RTN4: variants seen among roughly 807,000 people sequenced by gnomAD.
RTN4 encodes the protein reticulon 4.
RTN4 carries 32 observed loss-of-function variants against 90.4 expected under a neutral mutation model. That is an observed-to-expected ratio of 0.35 (90% CI 0.27 to 0.48). The LOEUF (loss-of-function observed/expected upper bound fraction) is 0.48. Among genes scored for constraint, RTN4 ranks in the 20% least tolerant of loss-of-function variants. The pLI, the probability that RTN4 is intolerant of heterozygous loss-of-function variation, is 0.99. For synonymous variants in RTN4, 629 were observed against 552.5 expected, an observed-to-expected ratio of 1.14 and a Z score of -1.94; for missense variants, 1,706 against 1,430.2, an observed-to-expected ratio of 1.19 and a Z score of -3.11.
At position 55,025,623 on chromosome 2, in the gene RTN4, CCTT is replaced by C; in HGVS notation, c.2473_2475del (p.Lys825del). The stretch of plus-strand genomic sequence containing the variant: ...TCCTCCATCTGCAAAGGAATTTTCT[CCTT>C]TTTGCTCAATGTTGAAACTTCATCA... On this transcript the variant is annotated inframe_deletion, in exon 3 of 9. Coordinates refer to ENST00000337526, the MANE Select transcript of RTN4 (RefSeq NM_020532.5). 6.2e-7 allele frequency: 1 copy of C among 1,613,592 alleles called. No homozygotes were observed. The highest frequency in any genetic ancestry group is 8.5e-7 in the Non-Finnish European group (1 of 1,179,788).
chr2:55,036,627 A>T (rs4671235), intron 1 of RTN4, among the ~76,000 whole-genome samples: 46,781 of 98,334 alleles, frequency 0.48, 8,736 homozygotes, highest in African/African-American at 0.55. Flanking sequence ...AAAAAAAATT[A>T]AAAAAATTTA....
intron 4 of RTN4, among the ~76,000 whole-genome samples, chr2:54,984,980 A>G (rs1001176593): frequency 6.6e-6 from 1 of 152,154 alleles, no homozygotes; most frequent in Admixed American, 6.5e-5. Flanking sequence ...GTTTCTAAGA[A>G]GGAAATAAAT....
intron 1 of RTN4, among the ~76,000 whole-genome samples, chr2:55,035,915 C>T (rs1422993378): frequency 6.6e-6 from 1 of 152,058 alleles, no homozygotes; most frequent in Non-Finnish European, 1.5e-5. Flanking sequence ...TAGATGCATT[C>T]CTTGAAAGAC....
intron 1 of RTN4, among the ~76,000 whole-genome samples, chr2:55,108,790 TG>T (rs1667988035): frequency 6.6e-6 from 1 of 152,094 alleles, no homozygotes; most frequent in Non-Finnish European, 1.5e-5. Flanking sequence ...CAATTACTTT[TG>T]CACCAGCCTA....
chr2:55,110,815 C>A (rs764507501), intron 1 of RTN4, among the ~76,000 whole-genome samples: 1 of 152,294 alleles, frequency 6.6e-6, no homozygotes, highest in Admixed American at 6.5e-5. Flanking sequence ...CCAAGGCAGG[C>A]AGGTCGCCTG....
At chr2:55,066,493 G>C (rs961142859) in intron 2 of RTN4, among the ~76,000 whole-genome samples, 38 of 151,990 alleles carry the variant, frequency 2.5e-4, no homozygotes, top group Admixed American at 8.5e-4. Flanking sequence ...TCAGGAGTTT[G>C]AGACCAGCCT....
chr2:55,076,844 G>A (rs1668611429), intron 2 of RTN4, among the ~76,000 whole-genome samples: 2 of 152,180 alleles, frequency 1.3e-5, no homozygotes, highest in South Asian at 4.1e-4. Context: ...TTTAAAAGGG[G>A]CTTTTCTCCC....
chr2:55,085,453 G>A (rs1039420582), intron 1 of RTN4, among the ~76,000 whole-genome samples: 1 of 152,174 alleles, frequency 6.6e-6, no homozygotes, highest in Non-Finnish European at 1.5e-5. Flanking sequence ...TCTTCAGTTC[G>A]ATGGCAGTCT....
the RTN4 span, among the ~76,000 whole-genome samples, chr2:55,135,970 G>C: frequency 6.6e-6 from 1 of 152,158 alleles, no homozygotes; most frequent in Non-Finnish European, 1.5e-5. Flanking sequence ...CAGTTAGCTA[G>C]GCAGATATGA....
intron 1 of RTN4, among the ~76,000 whole-genome samples, chr2:55,095,420 A>C (rs1669013881): frequency 6.6e-6 from 1 of 152,208 alleles, no homozygotes; most frequent in Non-Finnish European, 1.5e-5. Context: ...AATTTTAAAA[A>C]TTAACATCTT....
intron 3 of RTN4, among the ~76,000 whole-genome samples, chr2:54,999,275 C>A (rs1323418586): frequency 6.6e-6 from 1 of 152,156 alleles, no homozygotes. Context: ...GCTCAATGCA[C>A]AGTAAGAAGA....
chr2:55,031,657 C>T (rs1337886061), intron 1 of RTN4, among the ~76,000 whole-genome samples: 1 of 152,222 alleles, frequency 6.6e-6, no homozygotes. Flanking sequence ...CAGGACTACT[C>T]TAAGCCTAAA....
At position 55,049,198 on chromosome 2, in the gene RTN4, G is replaced by C. The variant is rs1347221829; in HGVS notation, c.556+547C>G. The C allele has an allele frequency of 7.1e-6, 7 of 986,282 alleles. No homozygotes were observed. The South Asian group carries it at 1.4e-4, about 20-fold the overall frequency. The allele number at this position is 986,282 out of a possible 1,614,324, so 61.1% of individuals were successfully genotyped here. On this transcript the variant is annotated intron_variant, in intron 1 of 8. Coordinates refer to ENST00000337526, the MANE Select transcript of RTN4 (RefSeq NM_020532.5). The stretch of plus-strand genomic sequence containing the variant: ...CCAGCTCCCCACGAGCACAGGAGGA[G>C]GGGGAGGGGAAGCGCAAAGGGGCCA...
intron 3 of RTN4, among the ~76,000 whole-genome samples, chr2:55,000,390 C>T (rs1679768876): frequency 6.6e-6 from 1 of 152,134 alleles, no homozygotes; most frequent in South Asian, 2.1e-4. Context: ...TAAATCTTTC[C>T]TGTCTTACTT....
intron 1 of RTN4, among the ~76,000 whole-genome samples, chr2:55,106,716 C>T (rs1156871385): frequency 1.3e-5 from 2 of 151,932 alleles, no homozygotes; most frequent in Non-Finnish European, 2.9e-5. Flanking sequence ...GATGGGGTTT[C>T]ACCATGTTGG....
intron 4 of RTN4, among the ~76,000 whole-genome samples, chr2:54,985,136 T>TAATAATATG: frequency 6.9e-6 from 1 of 144,114 alleles, no homozygotes; most frequent in Non-Finnish European, 1.5e-5. Context: ...TGTGGCTTGA[T>TAATAATATG]AATAATATGA....
chr2:55,066,189 G>GC (rs1553449513), intron 2 of RTN4, among the ~76,000 whole-genome samples: 8 of 65,978 alleles, frequency 1.2e-4, no homozygotes, highest in Non-Finnish European at 3.1e-4. Flanking sequence ...GTGTGTGTGT[G>GC]TGTTTGTGTG....
intron 3 of RTN4, among the ~76,000 whole-genome samples, chr2:55,006,688 A>G (rs575351187): frequency 1.3e-5 from 2 of 152,262 alleles, no homozygotes; most frequent in East Asian, 1.9e-4. Context: ...CTGTAACAAT[A>G]AAGAACAGTG....
At chr2:55,121,370 G>C in the RTN4 span, among the ~76,000 whole-genome samples, 1 of 152,186 alleles carries the variant, frequency 6.6e-6, no homozygotes, top group Non-Finnish European at 1.5e-5. Context: ...AATTGCCCTG[G>C]TAAGAAAACC....
Sources: allele counts gnomAD v4.1 joint callset (sites outside exome capture counted in the v4.1 genomes callset), GRCh38; gene constraint gnomAD v4.1.1; transcripts MANE v1.5; gene names NCBI Gene and HGNC (gene_info 2026-07-23, HGNC 2026-07-21).